Variants in HBP1 observed in about 807,000 individuals in gnomAD.
HBP1 encodes the protein HMG-box transcription factor 1, also known as HMG box-containing protein 1.
A neutral mutation model predicts 62.6 loss-of-function variants in HBP1; 20 were observed. That is an observed-to-expected ratio of 0.32 (90% CI 0.22 to 0.46). HBP1 has a LOEUF of 0.46. Ranked by LOEUF, HBP1 falls within the 20% of genes least tolerant of loss-of-function variation. HBP1 has a pLI of 1.00. For synonymous variants in HBP1, 232 were observed against 206.2 expected (o/e 1.12, Z -1.07); for missense variants, 480 against 611.8 (o/e 0.78, Z 2.27).
intron 9 of HBP1, chr7:107,196,501 C>CTCGT (rs1163824450): frequency 3.1e-6 from 1 of 327,586 alleles, no homozygotes; most frequent in African/African-American, 2.2e-5. Flanking sequence ...AACTCCTGAC[C>CTCGT]TCGTGATCCA....
intron 4 of HBP1, 80 bp downstream of exon 4, chr7:107,186,022 T>A: frequency 1.9e-6 from 2 of 1,031,710 alleles, no homozygotes; most frequent in Non-Finnish European, 3.0e-6. Context: ...TAGGAAGTAG[T>A]CTCACTGTTC....
rs1397147348 is a variant in HBP1, at chr7:107,169,144, G to C, written c.-57G>C. ...GAGAGCTGCTGGTGGTGTTGTCGTG[G>C]CCGGAGCGGCCCGCGCCTGGGCTGC... On this transcript the variant is annotated 5_prime_UTR_variant, in exon 1 of 11. Transcript: ENST00000222574. 2 of 1,207,022 alleles carry C rather than the reference G, an allele frequency of 1.7e-6. No homozygotes were observed. Among genetic ancestry groups the C allele is most frequent in the Admixed American group, 2.8e-5 (1 of 35,706 alleles). The allele number at this position is 1,207,022 out of a possible 1,614,324, so 74.8% of individuals were successfully genotyped here. A position where few individuals can be genotyped will look rare whatever the true frequency, so the allele number is the denominator to read the frequency against.
At chr7:107,199,722 C>G (rs756292075) in intron 9 of HBP1, among the ~76,000 whole-genome samples, 5 of 152,180 alleles carry the variant, frequency 3.3e-5, no homozygotes, top group Admixed American at 6.5e-5. Flanking sequence ...TAATATTTGT[C>G]ATGATGTAGT....
chr7:107,200,338 C>A, intron 10 of HBP1, 37 bp downstream of exon 10: 1 of 1,579,656 alleles, frequency 6.3e-7, no homozygotes, highest in Non-Finnish European at 8.7e-7. Context: ...ATTATCTTGC[C>A]TTATCCGTGC....
chr7:107,184,994 C>T (rs1797285436), intron 3 of HBP1, among the ~76,000 whole-genome samples: 1 of 152,154 alleles, frequency 6.6e-6, no homozygotes, highest in South Asian at 2.1e-4. Context: ...TGAGTCCATA[C>T]ACATCATTCA....
At position 107,196,038 on chromosome 7, in the gene HBP1, G is replaced by A; in HGVS notation, c.1272G>A (p.Gly424=). 6.2e-7 allele frequency: 1 copy of A among 1,613,114 alleles called. No homozygotes were observed. The highest frequency in any genetic ancestry group is 8.5e-7 in the Non-Finnish European group (1 of 1,179,094). ...YAKAVKNHSS[G]TVSATSPNKC... is the part of the protein sequence containing the mutation. ...AAGCTGTCAAAAACCACAGCTCAGG[G>A]ACTGTGAGTGCCACTTCTCCTAATA... Residue 424 remains glycine (G), a synonymous_variant, in exon 9 of 11, where the codon GGG becomes GGA. Transcript: ENST00000222574.
chr7:107,171,073 A>ATATTTTTTTTTTT lies in HBP1; in HGVS notation c.-16+1889_-16+1890insATTTTTTTTTTTT. Among the ~76,000 whole-genome samples the ATATTTTTTTTTTT allele has an allele frequency of 8.1e-4, 71 of 87,200 alleles. 5 individuals are homozygous for ATATTTTTTTTTTT. The highest frequency in any genetic ancestry group is 4.3e-3 in the African/African-American group (65 of 15,124). The allele number at this position is 87,200 out of a possible 152,430, so 57.2% of individuals were successfully genotyped here. A position where few individuals can be genotyped will look rare whatever the true frequency, so the allele number is the denominator to read the frequency against. On this transcript the variant is annotated intron_variant, in intron 1 of 10. Coordinates refer to ENST00000222574, the MANE Select transcript of HBP1 (RefSeq NM_012257.4). ...TATATATATATATATATATATATAT[A>ATATTTTTTTTTTT]TTTTTTTTTTTTTTTGAGAGGGAGT...
intron 8 of HBP1, among the ~76,000 whole-genome samples, chr7:107,193,772 A>G (rs1046241471): frequency 1.4e-4 from 21 of 152,204 alleles, no homozygotes; most frequent in African/African-American, 5.1e-4. Flanking sequence ...CCTGATAGGA[A>G]CATGAGCTCG....
chr7:107,175,960 C>T (rs1796828933), intron 1 of HBP1, among the ~76,000 whole-genome samples: 1 of 152,072 alleles, frequency 6.6e-6, no homozygotes, highest in South Asian at 2.1e-4. Flanking sequence ...TCGTGATCTG[C>T]CCGCCTCAGC....
chr7:107,199,737 TCA>T (rs1798124503), intron 9 of HBP1, among the ~76,000 whole-genome samples: 2 of 152,250 alleles, frequency 1.3e-5, no homozygotes, highest in African/African-American at 4.8e-5. Context: ...TGTAGTCTTA[TCA>T]GTTTAACTTC....
intron 9 of HBP1, among the ~76,000 whole-genome samples, chr7:107,199,208 C>G (rs1488907951): frequency 6.6e-6 from 1 of 152,152 alleles, no homozygotes; most frequent in African/African-American, 2.4e-5. Context: ...GCCTCAGCCT[C>G]CCCAGTAGCT....
chr7:107,186,011 A>G (rs935243170), intron 4 of HBP1, 69 bp downstream of exon 4: 2 of 1,156,580 alleles, frequency 1.7e-6, no homozygotes, highest in Non-Finnish European at 2.6e-6. Flanking sequence ...AACATTCCTC[A>G]TAGGAAGTAG....
In HBP1 at chr7:107,201,833, T is replaced by C. The variant is rs1257265413; in HGVS notation, c.*402T>C. ...TTATACATTGGCTCCTTACTGCTTATTAATCTGTATTGTACACATGATGAA... is the reference window on the plus strand; with the variant it reads ...TTATACATTGGCTCCTTACTGCTTACTAATCTGTATTGTACACATGATGAA... On this transcript the variant is annotated 3_prime_UTR_variant, in exon 11 of 11. Transcript: ENST00000222574. 6.1e-6 allele frequency: 1 copy of C among 164,154 alleles called. No individual in the cohort carries two copies. Among genetic ancestry groups the C allele is most frequent in the East Asian group, 1.8e-4 (1 of 5,692 alleles). The allele number at this position is 164,154 out of a possible 1,614,324, so 10.2% of individuals were successfully genotyped here.
At chr7:107,177,440 G>T (rs2115819877) in intron 1 of HBP1, among the ~76,000 whole-genome samples, 1 of 152,314 alleles carries the variant, frequency 6.6e-6, no homozygotes, top group East Asian at 1.9e-4. Flanking sequence ...TAGAATATTA[G>T]ACATACAGTA....
intron 1 of HBP1, among the ~76,000 whole-genome samples, chr7:107,171,073 A>ATATATTT: frequency 2.3e-4 from 20 of 87,192 alleles, no homozygotes; most frequent in African/African-American, 8.0e-4. Flanking sequence ...ATATATATAT[A>ATATATTT]TTTTTTTTTT....
chr7:107,172,665 A>T lies in HBP1; in HGVS notation c.-16+3480A>T, dbSNP rs138464981. On this transcript the variant is annotated intron_variant, in intron 1 of 10. Transcript: ENST00000222574. ...ATGAAATTACTAAGAACTTGTATAG[A>T]TGTGGATTGGGCAGTGTCTGTGGGA... 2.6e-3 allele frequency among the ~76,000 whole-genome samples: 403 copies of T among 152,296 alleles called. 3 individuals carry two copies. The highest frequency in any genetic ancestry group is 9.1e-3 in the African/African-American group (377 of 41,542).
intron 1 of HBP1, among the ~76,000 whole-genome samples, chr7:107,179,192 A>G (rs1209905817): frequency 6.6e-6 from 1 of 151,944 alleles, no homozygotes; most frequent in Non-Finnish European, 1.5e-5. Context: ...TTTATTAAGG[A>G]AAGTTTTTAA....
chr7:107,171,073 A>ATATATATATTT, intron 1 of HBP1, among the ~76,000 whole-genome samples: 12 of 87,194 alleles, frequency 1.4e-4, no homozygotes, highest in African/African-American at 6.0e-4. Context: ...ATATATATAT[A>ATATATATATTT]TTTTTTTTTT....
chr7:107,189,259 T>C (rs768616902), intron 6 of HBP1, 33 bp from the exon 7 acceptor site: 1 of 1,578,332 alleles, frequency 6.3e-7, no homozygotes, highest in South Asian at 1.1e-5. Context: ...ATTGAACATT[T>C]CCAATTCATT....
Sources: allele counts gnomAD v4.1 joint callset (sites outside exome capture counted in the v4.1 genomes callset), GRCh38; gene constraint gnomAD v4.1.1; transcripts MANE v1.5; gene names NCBI Gene and HGNC (gene_info 2026-07-23, HGNC 2026-07-21).